Variants in PTPRD observed in about 807,000 individuals in gnomAD.
PTPRD encodes protein tyrosine phosphatase receptor type D.
PTPRD carries 34 observed loss-of-function variants against 214.5 expected under a neutral mutation model. The ratio of observed to expected loss-of-function variants is 0.16; its 90% CI spans 0.12 to 0.21. The LOEUF (loss-of-function observed/expected upper bound fraction) is 0.21. PTPRD is among the 10% of genes least tolerant of loss of function. The pLI, the probability that PTPRD is intolerant of heterozygous loss-of-function variation, is 1.00. For synonymous variants in PTPRD, 1,128 were observed against 845.7 expected, an observed-to-expected ratio of 1.33 and a Z score of -5.79; for missense variants, 2,545 against 2,398.7, an observed-to-expected ratio of 1.06 and a Z score of -1.27.
chr9:9,372,461 G>A (rs961519323), intron 9 of PTPRD, among the ~76,000 whole-genome samples: 1 of 151,802 alleles, frequency 6.6e-6, no homozygotes, highest in African/African-American at 2.4e-5. Flanking sequence ...TTTTCCATTT[G>A]CTTGGTAGAT....
intron 14 of PTPRD, among the ~76,000 whole-genome samples, chr9:8,628,552 T>C (rs1180090599): frequency 6.7e-6 from 1 of 149,922 alleles, no homozygotes; most frequent in Admixed American, 6.7e-5. Flanking sequence ...CACGGAAAGC[T>C]GGAGAGGGGT....
At chr9:10,430,063 T>G (rs2154520216) in intron 2 of PTPRD, among the ~76,000 whole-genome samples, 1 of 152,108 alleles carries the variant, frequency 6.6e-6, no homozygotes, top group African/African-American at 2.4e-5. Context: ...GCTTATGTTC[T>G]ATTAAGAGTT....
chr9:8,329,828 C>A (rs965396680), intron 44 of PTPRD, among the ~76,000 whole-genome samples: 1 of 152,098 alleles, frequency 6.6e-6, no homozygotes, highest in Admixed American at 6.6e-5. Flanking sequence ...AACAAACAGC[C>A]TACTCTAGCC....
At chr9:9,184,241 C>T (rs1379991904) in intron 9 of PTPRD, among the ~76,000 whole-genome samples, 1 of 152,042 alleles carries the variant, frequency 6.6e-6, no homozygotes, top group Non-Finnish European at 1.5e-5. Context: ...ATCACATCAC[C>T]CTGTGTCGGA....
chr9:10,554,172 G>A (rs755351094), intron 2 of PTPRD, among the ~76,000 whole-genome samples: 6 of 152,066 alleles, frequency 3.9e-5, no homozygotes, highest in Non-Finnish European at 7.4e-5. Flanking sequence ...TCTGCATGCC[G>A]TTAAACTCTA....
intron 14 of PTPRD, among the ~76,000 whole-genome samples, chr9:8,599,613 C>CCCCCCCCTTTTTTTTT (rs2094698008): frequency 3.7e-5 from 2 of 53,428 alleles, no homozygotes; most frequent in African/African-American, 7.0e-5. Context: ...CCCGCCCACC[C>CCCCCCCCTTTTTTTTT]TTTTTTTTTT....
At chr9:9,270,627 A>T (rs1569566296) in intron 9 of PTPRD, among the ~76,000 whole-genome samples, 1 of 151,382 alleles carries the variant, frequency 6.6e-6, no homozygotes, top group Non-Finnish European at 1.5e-5. Context: ...TTCTAAGTGC[A>T]AAAGAAGAGC....
intron 2 of PTPRD, among the ~76,000 whole-genome samples, chr9:10,580,616 T>C (rs1007787134): frequency 2.0e-5 from 3 of 152,192 alleles, no homozygotes; most frequent in African/African-American, 2.4e-5. Flanking sequence ...TTAATAATAC[T>C]AATAATCATA....
chr9:8,808,837 C>T (rs920407137), intron 11 of PTPRD, among the ~76,000 whole-genome samples: 1 of 151,962 alleles, frequency 6.6e-6, no homozygotes, highest in African/African-American at 2.4e-5. Flanking sequence ...TATGGTGTCC[C>T]GAAATATACA....
intron 12 of PTPRD, among the ~76,000 whole-genome samples, chr9:8,704,727 G>T (rs1391905228): frequency 6.7e-6 from 1 of 149,938 alleles, no homozygotes; most frequent in African/African-American, 2.5e-5. Flanking sequence ...AGGAGTCGAA[G>T]ACCAGTCTGG....
intron 9 of PTPRD, among the ~76,000 whole-genome samples, chr9:9,189,215 A>G (rs538371646): frequency 5.9e-5 from 9 of 152,174 alleles, no homozygotes; most frequent in African/African-American, 2.2e-4. Context: ...TTGAAAAAAT[A>G]TCCTCTAGAG....
intron 12 of PTPRD, among the ~76,000 whole-genome samples, chr9:8,700,145 T>G (rs2098040077): frequency 6.6e-6 from 1 of 152,206 alleles, no homozygotes; most frequent in African/African-American, 2.4e-5. Flanking sequence ...ACTCCCTTTT[T>G]AATCAATGCA....
chr9:10,567,878 T>A (rs1238204676), intron 2 of PTPRD, among the ~76,000 whole-genome samples: 1 of 151,650 alleles, frequency 6.6e-6, no homozygotes, highest in African/African-American at 2.4e-5. Flanking sequence ...ACAATCAATA[T>A]GATTTTTGCA....
chr9:9,029,078 C>T (rs1432021537), intron 10 of PTPRD, among the ~76,000 whole-genome samples: 1 of 151,762 alleles, frequency 6.6e-6, no homozygotes, highest in Non-Finnish European at 1.5e-5. Context: ...TATGAAATAT[C>T]TCATTCATAT....
At chr9:9,024,732 G>A (rs1290770700) in intron 10 of PTPRD, among the ~76,000 whole-genome samples, 3 of 151,616 alleles carry the variant, frequency 2.0e-5, no homozygotes, top group Non-Finnish European at 4.4e-5. Flanking sequence ...GCTCCTTCAT[G>A]TATTGTTGCC....
intron 2 of PTPRD, among the ~76,000 whole-genome samples, chr9:10,483,321 C>A (rs535632306): frequency 5.2e-4 from 79 of 152,024 alleles, no homozygotes; most frequent in Non-Finnish European, 9.6e-4. Flanking sequence ...CCCCTAACAC[C>A]ATAAATTCTA....
At position 9,270,483 on chromosome 9, in the gene PTPRD, T is replaced by C. The variant is rs558441931; in HGVS notation, c.-202-87120A>G. On this transcript the variant is annotated intron_variant, in intron 9 of 45. Coordinates refer to ENST00000381196, the MANE Select transcript of PTPRD (RefSeq NM_002839.4). ...AAGTGCATGTAACAAAGTGCTGAGG[T>C]GGTGAAGGGCTTAGAACAGTCAAGG... 1.8e-4 allele frequency among the ~76,000 whole-genome samples: 27 copies of C among 150,790 alleles called. No individual in the cohort carries two copies. The South Asian group carries it at 5.6e-3, about 31-fold the overall frequency.
chr9:9,684,932 A>T (rs2097141626), intron 7 of PTPRD, among the ~76,000 whole-genome samples: 1 of 151,584 alleles, frequency 6.6e-6, no homozygotes, highest in African/African-American at 2.4e-5. Flanking sequence ...TTCCTATCTA[A>T]AATAAGAATA....
intron 9 of PTPRD, among the ~76,000 whole-genome samples, chr9:9,192,915 C>T (rs1317989427): frequency 5.9e-5 from 9 of 152,178 alleles, no homozygotes. Context: ...AGAAGAGAAG[C>T]TGATAAGGTC....
Sources: gnomAD v4.1 joint callset for allele counts (sites outside exome capture counted in the v4.1 genomes callset) on GRCh38, gnomAD v4.1.1 for gene constraint, MANE v1.5 for transcripts, NCBI Gene and HGNC (gene_info 2026-07-23, HGNC 2026-07-21) for gene names.